CDH18: variants seen among roughly 807,000 people sequenced by gnomAD.
CDH18 encodes cadherin-18.
CDH18 carries 31 observed loss-of-function variants against 67.9 expected under a neutral mutation model. The observed-to-expected ratio is 0.46, with a 90% CI of 0.34 to 0.62. The LOEUF (loss-of-function observed/expected upper bound fraction) is 0.62. CDH18 is among the 20% of genes least tolerant of loss of function. The pLI is 0.01. For missense variants in CDH18, 890 were observed against 975.5 expected, an observed-to-expected ratio of 0.91 and a Z score of 1.17; for synonymous variants, 362 against 347.2, an observed-to-expected ratio of 1.04 and a Z score of -0.48.
At chr5:20,553,869 C>T (rs1488789770) in intron 1 of CDH18, among the ~76,000 whole-genome samples, 3 of 152,056 alleles carry the variant, frequency 2.0e-5, no homozygotes, top group South Asian at 4.1e-4. Flanking sequence ...AAATCCGGAT[C>T]GGGATTATTG....
intron 2 of CDH18, among the ~76,000 whole-genome samples, chr5:19,917,266 T>G (rs568957304): frequency 1.3e-5 from 2 of 152,092 alleles, no homozygotes; most frequent in Non-Finnish European, 2.9e-5. Flanking sequence ...CTTTAACCAT[T>G]GGGGGATCTT....
At chr5:19,556,918 G>C (rs926966615) in intron 8 of CDH18, among the ~76,000 whole-genome samples, 1 of 152,034 alleles carries the variant, frequency 6.6e-6, no homozygotes, top group African/African-American at 2.4e-5. Context: ...AAAGGAAAAC[G>C]TATCAGATTA....
intron 1 of CDH18, among the ~76,000 whole-genome samples, chr5:20,550,164 G>A (rs1757556434): frequency 6.6e-6 from 1 of 152,092 alleles, no homozygotes; most frequent in Non-Finnish European, 1.5e-5. Context: ...AGTTTAAAAG[G>A]ATCTGGCTAT....
Position 20,188,802 on chromosome 5 carries a change from T to C in CDH18, c.-518+66642A>G, listed in dbSNP as rs369365714. 2.8e-4 allele frequency among the ~76,000 whole-genome samples: 42 copies of C among 150,146 alleles called. No homozygotes were observed. The East Asian group carries it at 6.7e-3, about 24-fold the overall frequency. On this transcript the variant is annotated intron_variant, in intron 2 of 14. Transcript: ENST00000507958. ...TTGCAGCCATTTTCTTTATTTGCTA[T>C]TCTTATTGTGGCAAAAAAAAAAAGT...
chr5:20,465,724 A>G (rs1751588937), intron 1 of CDH18, among the ~76,000 whole-genome samples: 1 of 152,010 alleles, frequency 6.6e-6, no homozygotes, highest in East Asian at 1.9e-4. Context: ...AATGAAATAT[A>G]TACTGATCAT....
At chr5:19,830,908 C>T (rs78118748) in intron 3 of CDH18, among the ~76,000 whole-genome samples, 134 of 152,136 alleles carry the variant, frequency 8.8e-4, no homozygotes, top group East Asian at 2.7e-3. Flanking sequence ...AGGTGGAGGC[C>T]ATAACCTGAC....
intron 5 of CDH18, among the ~76,000 whole-genome samples, chr5:19,666,025 G>T (rs1002742378): frequency 6.6e-6 from 1 of 151,756 alleles, no homozygotes; most frequent in African/African-American, 2.4e-5. Flanking sequence ...CATTTAGCAG[G>T]ACTAGAACAA....
At chr5:20,097,500 C>G (rs1363517369) in intron 2 of CDH18, among the ~76,000 whole-genome samples, 1 of 152,128 alleles carries the variant, frequency 6.6e-6, no homozygotes, top group Non-Finnish European at 1.5e-5. Context: ...ATTCAGTTAC[C>G]TTCCACTGGG....
At chr5:20,475,292 T>C (rs1752361465) in intron 1 of CDH18, among the ~76,000 whole-genome samples, 1 of 152,172 alleles carries the variant, frequency 6.6e-6, no homozygotes, top group South Asian at 2.1e-4. Context: ...GCTGATTTTT[T>C]TTTATGTTCC....
chr5:19,591,017 G>A (rs761007275), intron 7 of CDH18, 40 bp downstream of exon 7: 4 of 1,305,330 alleles, frequency 3.1e-6, no homozygotes, highest in Middle Eastern at 2.2e-4. Flanking sequence ...AGGAAAAGAT[G>A]AGTGAGTTGC....
intron 1 of CDH18, among the ~76,000 whole-genome samples, chr5:20,349,050 C>T (rs1032817192): frequency 6.6e-6 from 1 of 152,098 alleles, no homozygotes; most frequent in Admixed American, 6.6e-5. Context: ...TCAAAGTCAC[C>T]TATTATGCAA....
intron 2 of CDH18, among the ~76,000 whole-genome samples, chr5:20,245,454 G>T (rs1418416435): frequency 2.0e-5 from 3 of 152,162 alleles, no homozygotes; most frequent in Middle Eastern, 6.8e-3. Flanking sequence ...ACGAGAGAAG[G>T]TTCTAAAATT....
chr5:19,870,109 G>A (rs1041404049), intron 2 of CDH18, among the ~76,000 whole-genome samples: 2 of 152,224 alleles, frequency 1.3e-5, no homozygotes, highest in South Asian at 2.1e-4. Flanking sequence ...AGACAAATAT[G>A]TGTGAGATCT....
intron 2 of CDH18, among the ~76,000 whole-genome samples, chr5:20,055,461 A>G (rs967399024): frequency 1.3e-5 from 2 of 152,214 alleles, no homozygotes; most frequent in Non-Finnish European, 2.9e-5. Context: ...TTTTTTGCCA[A>G]TAGGCAAGTG....
chr5:19,669,820 A>T (rs6894004), intron 5 of CDH18, among the ~76,000 whole-genome samples: 152,049 of 152,304 alleles, frequency 1, 75,897 homozygotes, highest in Non-Finnish European at 1. Context: ...TACTATATGC[A>T]AGGCTTTTTA....
At chr5:19,836,612 T>G (rs9292773) in intron 3 of CDH18, among the ~76,000 whole-genome samples, 93,933 of 151,980 alleles carry the variant, frequency 0.62, 29,933 homozygotes, top group African/African-American at 0.76. Flanking sequence ...CTCCCATTCT[T>G]TAGGTTGCCT....
chr5:19,944,126 T>C (rs1475928773), intron 2 of CDH18, among the ~76,000 whole-genome samples: 5 of 152,132 alleles, frequency 3.3e-5, no homozygotes, highest in African/African-American at 1.2e-4. Context: ...CAATTTAATA[T>C]ATTTCTTCTA....
chr5:19,541,905 G>A (rs558131909), intron 9 of CDH18, among the ~76,000 whole-genome samples: 1 of 152,160 alleles, frequency 6.6e-6, no homozygotes, highest in Non-Finnish European at 1.5e-5. Context: ...AAGTTTTAAT[G>A]AGTCCTTATT....
chr5:19,708,792 G>C (rs1188697587), intron 5 of CDH18, among the ~76,000 whole-genome samples: 1 of 152,242 alleles, frequency 6.6e-6, no homozygotes, highest in East Asian at 1.9e-4. Flanking sequence ...CTTGCTGTCA[G>C]TAAATATGTG....
Sources: gnomAD v4.1 joint callset for allele counts (sites outside exome capture counted in the v4.1 genomes callset) on GRCh38, gnomAD v4.1.1 for gene constraint, MANE v1.5 for transcripts, NCBI Gene and HGNC (gene_info 2026-07-23, HGNC 2026-07-21) for gene names.